The following PCDH17 variants were observed in gnomAD, a reference collection of about 807,000 sequenced individuals.
PCDH17 encodes the protein protocadherin-17.
In PCDH17, 21 loss-of-function variants were observed where a neutral mutation model predicts 67.7. The observed-to-expected ratio is 0.31, with a 90% CI of 0.22 to 0.45. The LOEUF (loss-of-function observed/expected upper bound fraction) is 0.45. Ranked by LOEUF, PCDH17 falls within the 20% of genes least tolerant of loss-of-function variation. PCDH17 has a pLI of 1.00. For synonymous variants in PCDH17, 701 were observed against 656.7 expected (o/e 1.07, Z -1.03); for missense variants, 1,471 against 1,564.8 (o/e 0.94, Z 1.01).
At position 57,723,420 on chromosome 13, in the gene PCDH17, A is replaced by G. The variant is rs1955887535; in HGVS notation, c.2798-1192A>G. ...TGAGAAGTGATATACAAATTTATCA[A>G]TGCTATTACATTTGCTGCTATTTTA... On this transcript the variant is annotated intron_variant, in intron 3 of 3. Coordinates refer to ENST00000377918, the MANE Select transcript of PCDH17 (RefSeq NM_001040429.3). Among the ~76,000 whole-genome samples, 3 of 152,296 alleles carry G rather than the reference A, an allele frequency of 2.0e-5. No individual in the cohort carries two copies. The South Asian group carries it at 6.2e-4, about 32-fold the overall frequency.
intron 3 of PCDH17, among the ~76,000 whole-genome samples, chr13:57,697,365 C>G (rs1955620345): frequency 6.6e-6 from 1 of 151,610 alleles, no homozygotes; most frequent in Admixed American, 6.6e-5. Context: ...TCAAGAGATA[C>G]TGGATTTTTA....
At chr13:57,694,745 C>CA (rs999879493) in intron 3 of PCDH17, among the ~76,000 whole-genome samples, 3 of 150,194 alleles carry the variant, frequency 2.0e-5, no homozygotes, top group African/African-American at 2.4e-5. Flanking sequence ...CTCTGAAAAC[C>CA]AAAAAAACAG....
At chr13:57,665,748 T>C (rs1335440256) in intron 1 of PCDH17, among the ~76,000 whole-genome samples, 1 of 152,208 alleles carries the variant, frequency 6.6e-6, no homozygotes, top group African/African-American at 2.4e-5. Flanking sequence ...TTGGAAGCAG[T>C]AAAAACAACC....
chr13:57,713,384 C>T (rs1288275853), intron 3 of PCDH17, among the ~76,000 whole-genome samples: 1 of 151,614 alleles, frequency 6.6e-6, no homozygotes, highest in Non-Finnish European at 1.5e-5. Context: ...AAATTTATAG[C>T]ACAGTTACAG....
chr13:57,686,090 G>GA (rs145106488), intron 3 of PCDH17, among the ~76,000 whole-genome samples: 32,475 of 147,066 alleles, frequency 0.22, 4,377 homozygotes, highest in Middle Eastern at 0.38. Context: ...TCTCATCTCT[G>GA]AAAAAAAAAA....
At chr13:57,675,278 T>A (rs181725129) in intron 3 of PCDH17, among the ~76,000 whole-genome samples, 1 of 152,082 alleles carries the variant, frequency 6.6e-6, no homozygotes, top group Non-Finnish European at 1.5e-5. Context: ...ATATCTCTAT[T>A]TCTCTTATTT....
intron 1 of PCDH17, among the ~76,000 whole-genome samples, chr13:57,637,871 A>G (rs569741846): frequency 6.6e-6 from 1 of 152,150 alleles, no homozygotes; most frequent in Non-Finnish European, 1.5e-5. Context: ...TAAAATGTTA[A>G]GGTTAATGCC....
At chr13:57,692,281 T>C (rs1407334856) in intron 3 of PCDH17, among the ~76,000 whole-genome samples, 1 of 151,292 alleles carries the variant, frequency 6.6e-6, no homozygotes, top group Non-Finnish European at 1.5e-5. Flanking sequence ...GCAGTTTTTA[T>C]TTCCATACAT....
At position 57,725,265 on chromosome 13, in the gene PCDH17, G is replaced by A. The variant is rs1373863569; in HGVS notation, c.3451G>A (p.Gly1151Arg). 6.2e-7 allele frequency: 1 copy of A among 1,610,934 alleles called. No homozygotes were observed. Among genetic ancestry groups the A allele is most frequent in the Non-Finnish European group, 8.5e-7 (1 of 1,178,084 alleles). ...TGATAAGCTTTTGCAAGACTGCCGG[G>A]GAAACGACCCTGTGGCTGTGAGAAA... ...EIDKLLQDCR[G>R]NDPVAVRK Residue 1151 changes from glycine (G) to arginine (R), a missense_variant, in exon 4 of 4, where the codon GGA becomes AGA. Transcript: ENST00000377918.
intron 3 of PCDH17, among the ~76,000 whole-genome samples, chr13:57,719,887 T>C (rs1955858804): frequency 6.6e-6 from 1 of 152,052 alleles, no homozygotes; most frequent in Admixed American, 6.6e-5. Context: ...TTTAATAACA[T>C]TTTGGTTTCA....
chr13:57,678,969 G>A (rs1251085032), intron 3 of PCDH17, among the ~76,000 whole-genome samples: 1 of 151,462 alleles, frequency 6.6e-6, no homozygotes, highest in Non-Finnish European at 1.5e-5. Flanking sequence ...CATACATTAT[G>A]TAGCATTTCC....
rs1436983219 is a variant in PCDH17, at chr13:57,706,016, A to T, written c.2798-18596A>T. ...AGCAACAGGAGAAAAACTCAGTCTT[A>T]AAAAAAAAAAAAAAATACCCTTACC... On this transcript the variant is annotated intron_variant, in intron 3 of 3. Transcript: ENST00000377918. Among the ~76,000 whole-genome samples, 79 of 133,454 alleles carry T rather than the reference A, an allele frequency of 5.9e-4. 1 individual carries two copies. Among genetic ancestry groups the T allele is most frequent in the African/African-American group, 2.1e-3 (77 of 37,254 alleles). The allele number at this position is 133,454 out of a possible 152,430, so 87.6% of individuals were successfully genotyped here.
intron 1 of PCDH17, among the ~76,000 whole-genome samples, chr13:57,654,063 G>A (rs919212893): frequency 1.3e-5 from 2 of 152,110 alleles, no homozygotes; most frequent in Non-Finnish European, 2.9e-5. Context: ...ATTAAGCATA[G>A]TGCATACATA....
In PCDH17 at chr13:57,634,427, C is replaced by T. The variant is rs765167207; in HGVS notation, c.1881C>T (p.Ile627=). The part of the protein sequence containing the change: ...FGESGRLTYE[I]VDGNDDHLFE... ...AGAGCGGGCGTCTCACCTACGAGAT[C>T]GTGGACGGCAACGACGACCACCTGT... Residue 627 remains isoleucine, a synonymous_variant, in exon 1 of 4, where the codon ATC becomes ATT. Transcript: ENST00000377918. This position sits in a 1 kb window ranked among gnomAD's most constrained non-coding sequence, Gnocchi z 7.8. 12 of 1,612,870 alleles carry T rather than the reference C, an allele frequency of 7.4e-6. No homozygotes were observed. In the East Asian group the frequency reaches 8.9e-5, roughly 12 times the overall value.
chr13:57,639,427 T>G (rs1954863914), intron 1 of PCDH17, among the ~76,000 whole-genome samples: 1 of 151,884 alleles, frequency 6.6e-6, no homozygotes, highest in Admixed American at 6.6e-5. Context: ...ATGAAAATTT[T>G]AGCTCCAATT....
At chr13:57,716,720 C>T (rs773500486) in intron 3 of PCDH17, among the ~76,000 whole-genome samples, 16 of 151,836 alleles carry the variant, frequency 1.1e-4, no homozygotes, top group Non-Finnish European at 1.9e-4. Context: ...TTAAACTCAT[C>T]GGTAAAGAGA....
At chr13:57,659,929 T>C (rs1955162014) in intron 1 of PCDH17, among the ~76,000 whole-genome samples, 1 of 152,096 alleles carries the variant, frequency 6.6e-6, no homozygotes, top group Non-Finnish European at 1.5e-5. Context: ...AAAAAAATTC[T>C]TTGGAAGAAA....
intron 3 of PCDH17, among the ~76,000 whole-genome samples, chr13:57,682,086 A>AT (rs1955456400): frequency 6.6e-6 from 1 of 151,302 alleles, no homozygotes; most frequent in Non-Finnish European, 1.5e-5. Context: ...GTTAAACTCC[A>AT]TTTTTTTTCC....
chr13:57,653,453 G>A (rs1955065815), intron 1 of PCDH17, among the ~76,000 whole-genome samples: 1 of 152,110 alleles, frequency 6.6e-6, no homozygotes, highest in African/African-American at 2.4e-5. Flanking sequence ...GAATCATACA[G>A]TACTTGAAAG....
Sources: gnomAD v4.1 joint callset for allele counts (sites outside exome capture counted in the v4.1 genomes callset) on GRCh38, gnomAD v4.1.1 for gene constraint, Gnocchi (gnomAD v3.1) non-coding constraint, MANE v1.5 for transcripts, NCBI Gene and HGNC (gene_info 2026-07-23, HGNC 2026-07-21) for gene names.